Variants in RMND5A observed in about 807,000 individuals in gnomAD.
RMND5A encodes the protein required for meiotic nuclear division 5 homolog A.
A neutral mutation model predicts 49.7 loss-of-function variants in RMND5A; 17 were observed. That is an observed-to-expected ratio of 0.34 (90% CI 0.23 to 0.51). RMND5A has a LOEUF of 0.51. Ranked by LOEUF, RMND5A falls within the 20% of genes least tolerant of loss-of-function variation. The pLI is 0.96. For synonymous variants in RMND5A, 156 were observed against 167.7 expected (o/e 0.93, Z 0.54); for missense variants, 255 against 471.3 (o/e 0.54, Z 4.25).
intron 2 of RMND5A, among the ~76,000 whole-genome samples, chr2:86,751,361 T>C (rs1368147657): frequency 2.0e-5 from 3 of 152,206 alleles, no homozygotes; most frequent in Non-Finnish European, 4.4e-5. Context: ...TGTAGTATGC[T>C]GTTTAGAGTC....
intron 4 of RMND5A, among the ~76,000 whole-genome samples, chr2:86,754,774 T>C (rs758377940): frequency 6.6e-6 from 1 of 152,132 alleles, no homozygotes; most frequent in Non-Finnish European, 1.5e-5. Flanking sequence ...TTACCCAGGC[T>C]GGTTTCGAAC....
Position 86,728,313 on chromosome 2 carries a change from CTTTT to C in RMND5A, c.142+7516_142+7519del, listed in dbSNP as rs3051429. Among the ~76,000 whole-genome samples the C allele has an allele frequency of 8.3e-5, 5 of 60,448 alleles. 1 individual carries two copies. The highest frequency in any genetic ancestry group is 3.6e-4 in the Admixed American group (2 of 5,594). The allele number at this position is 60,448 out of a possible 152,430, so 39.7% of individuals were successfully genotyped here. ...ACTGCCAATTTACTGGTTCTACAATCTTTTTTTTTTTTTTTGGAGACAGAGTCTC... is the reference window on the plus strand; with the variant it reads ...ACTGCCAATTTACTGGTTCTACAATCTTTTTTTTTTTGGAGACAGAGTCTC... On this transcript the variant is annotated intron_variant, in intron 1 of 8. Transcript: ENST00000283632.
chr2:86,770,007 T>C lies in RMND5A; in HGVS notation c.855-16T>C, dbSNP rs187968803. ...CCCCTGGCCTGGCACTGACGTTTCC[T>C]CTTCTGCTCTCCCAGTTTCTCAGCA... On this transcript the variant is annotated splice_polypyrimidine_tract_variant and intron_variant, in intron 6 of 8. Coordinates refer to ENST00000283632, the MANE Select transcript of RMND5A (RefSeq NM_022780.4). 1 of 1,606,470 alleles carries C rather than the reference T, an allele frequency of 6.2e-7. No homozygotes were observed. The highest frequency in any genetic ancestry group is 8.5e-7 in the Non-Finnish European group (1 of 1,173,304).
intron 1 of RMND5A, among the ~76,000 whole-genome samples, chr2:86,721,447 T>C (rs1425509098): frequency 6.6e-6 from 1 of 151,926 alleles, no homozygotes; most frequent in Non-Finnish European, 1.5e-5. Context: ...ACCAGCTCAA[T>C]TCAACCCTTC....
chr2:86,775,682 G>C lies in RMND5A; in HGVS notation c.*2271G>C, dbSNP rs2104416191. The stretch of plus-strand genomic sequence containing the variant: ...TGTAAGGCCCGTGTACTCCCACTGG[G>C]CAGGGTGAGGACCAAAAATCTGAAA... On this transcript the variant is annotated 3_prime_UTR_variant, in exon 9 of 9. Coordinates refer to ENST00000283632, the MANE Select transcript of RMND5A (RefSeq NM_022780.4). 1 of 152,302 alleles carries C rather than the reference G, an allele frequency of 6.6e-6. No homozygotes were observed. Among genetic ancestry groups the C allele is most frequent in the African/African-American group, 2.4e-5 (1 of 41,568 alleles). The allele number at this position is 152,302 out of a possible 1,614,324, so 9.4% of individuals were successfully genotyped here.
chr2:86,721,594 T>C lies in RMND5A; in HGVS notation c.142+785T>C, dbSNP rs199863802. Among the ~76,000 whole-genome samples, 1,075 of 151,578 alleles carry C rather than the reference T, an allele frequency of 7.1e-3. 53 individuals are homozygous for C. The East Asian group carries it at 0.13, about 18-fold the overall frequency. On this transcript the variant is annotated intron_variant, in intron 1 of 8. Coordinates refer to ENST00000283632, the MANE Select transcript of RMND5A (RefSeq NM_022780.4). ...AAAAAATAAATTTTCCTATAGAAGG[T>C]GTTTCACCTAGATTGTTTTTTTTTT...
Position 86,728,548 on chromosome 2 carries a change from C to A in RMND5A, c.142+7739C>A, listed in dbSNP as rs1210186533. ...TGAACTCCTGGGCTCAAGTAATCCA[C>A]CCGTCTCAGCCTCCCAAAGTGCTGG... On this transcript the variant is annotated intron_variant, in intron 1 of 8. Coordinates refer to ENST00000283632, the MANE Select transcript of RMND5A (RefSeq NM_022780.4). 2.4e-5 allele frequency among the ~76,000 whole-genome samples: 2 copies of A among 82,634 alleles called. 1 individual carries two copies. Among genetic ancestry groups the A allele is most frequent in the Admixed American group, 2.7e-4 (2 of 7,500 alleles). 54.2% of individuals were successfully genotyped at this position (82,634 alleles called of 152,430 possible). A position where few individuals can be genotyped will look rare whatever the true frequency, so the allele number is the denominator to read the frequency against.
rs1183563445 is a variant in RMND5A at position 86,720,471 on chromosome 2, G to C, written c.-197G>C. 4.2e-6 allele frequency: 1 copy of C among 237,716 alleles called. No homozygotes were observed. The highest frequency in any genetic ancestry group is 2.3e-5 in the African/African-American group (1 of 43,086). The allele number at this position is 237,716 out of a possible 1,614,324, so 14.7% of individuals were successfully genotyped here. On this transcript the variant is annotated 5_prime_UTR_variant, in exon 1 of 9. Coordinates refer to ENST00000283632, the MANE Select transcript of RMND5A (RefSeq NM_022780.4). ...GCAGCGGCGACTCGCCGGGGGGCTA[G>C]GGCGCCATGGGGCAGGCGGGCTCCG...
intron 8 of RMND5A, 141 bp from the exon 9 acceptor site, chr2:86,773,207 C>G (rs1159564403): frequency 6.6e-6 from 3 of 455,900 alleles, no homozygotes; most frequent in African/African-American, 5.9e-5. Flanking sequence ...AGTTCATCCT[C>G]AAAGCAAAAT....
chr2:86,771,846 G>A, intron 8 of RMND5A, 134 bp downstream of exon 8: 1 of 708,686 alleles, frequency 1.4e-6, no homozygotes, highest in East Asian at 2.7e-5. Flanking sequence ...TATTCATTTG[G>A]CAAAGTTGGT....
At chr2:86,769,482 A>G (rs1029517194) in intron 6 of RMND5A, among the ~76,000 whole-genome samples, 3 of 152,256 alleles carry the variant, frequency 2.0e-5, no homozygotes, top group African/African-American at 7.2e-5. Context: ...ATTTTGTGCA[A>G]GAACATCTCT....
intron 4 of RMND5A, 97 bp from the exon 5 acceptor site, chr2:86,764,930 G>A (rs956176895): frequency 1.1e-5 from 13 of 1,208,426 alleles, no homozygotes; most frequent in Non-Finnish European, 1.2e-5. Flanking sequence ...CAAGATGGCA[G>A]ACCAAGCCCC....
At position 86,773,699 on chromosome 2, in the gene RMND5A, T is replaced by A. The variant is rs1672718933; in HGVS notation, c.*288T>A. ...CTTAATTATATGGTGATTTTTTTACTTTTTAAGAGCAGAAACGGAAATTGA... is the reference window on the plus strand; with the variant it reads ...CTTAATTATATGGTGATTTTTTTACATTTTAAGAGCAGAAACGGAAATTGA... On this transcript the variant is annotated 3_prime_UTR_variant, in exon 9 of 9. Coordinates refer to ENST00000283632, the MANE Select transcript of RMND5A (RefSeq NM_022780.4). 5 of 238,550 alleles carry A rather than the reference T, an allele frequency of 2.1e-5. No individual in the cohort carries two copies. In the Admixed American group the frequency reaches 2.7e-4, roughly 13 times the overall value. 14.8% of individuals were successfully genotyped at this position (238,550 alleles called of 1,614,324 possible). A position where few individuals can be genotyped will look rare whatever the true frequency, so the allele number is the denominator to read the frequency against.
chr2:86,760,056 T>C (rs556334968), intron 4 of RMND5A, among the ~76,000 whole-genome samples: 1 of 152,170 alleles, frequency 6.6e-6, no homozygotes, highest in Non-Finnish European at 1.5e-5. Context: ...GTATTCTTTT[T>C]TTTTTGAGAC....
At chr2:86,751,023 T>C (rs1188211118) in intron 2 of RMND5A, among the ~76,000 whole-genome samples, 1 of 152,230 alleles carries the variant, frequency 6.6e-6, no homozygotes, top group African/African-American at 2.4e-5. Flanking sequence ...TGTCTGTTGA[T>C]CATCTTTTTC....
chr2:86,728,642 A>C (rs564206879), intron 1 of RMND5A, among the ~76,000 whole-genome samples: 1 of 107,172 alleles, frequency 9.3e-6, no homozygotes, highest in African/African-American at 3.9e-5. Context: ...TTCCTTCAGT[A>C]AACTGACATC....
At chr2:86,746,603 G>T (rs1681541695) in intron 2 of RMND5A, among the ~76,000 whole-genome samples, 1 of 152,098 alleles carries the variant, frequency 6.6e-6, no homozygotes, top group Non-Finnish European at 1.5e-5. Flanking sequence ...AGACTTGGAG[G>T]AACCTTTCTC....
Position 86,720,575 on chromosome 2 carries a change from G to C in RMND5A, c.-93G>C, listed in dbSNP as rs896198485. 8.6e-7 allele frequency: 1 copy of C among 1,158,120 alleles called. No individual in the cohort carries two copies. The highest frequency in any genetic ancestry group is 1.7e-5 in the African/African-American group (1 of 59,236). The allele number at this position is 1,158,120 out of a possible 1,614,324, so 71.7% of individuals were successfully genotyped here. ...CTCAGCCTCCCGCGCCGCCCGCTTG[G>C]GGAACGAGGAGCAGGACGCGGCCTC... On this transcript the variant is annotated 5_prime_UTR_variant, in exon 1 of 9. Coordinates refer to ENST00000283632, the MANE Select transcript of RMND5A (RefSeq NM_022780.4).
At chr2:86,753,356 T>C in intron 3 of RMND5A, 102 bp from the exon 4 acceptor site, 2 of 687,072 alleles carry the variant, frequency 2.9e-6, no homozygotes, top group South Asian at 1.9e-5. Context: ...GAATTATCTT[T>C]AATGGCTTGC....
Sources: gnomAD v4.1 joint callset for allele counts (sites outside exome capture counted in the v4.1 genomes callset) on GRCh38, gnomAD v4.1.1 for gene constraint, MANE v1.5 for transcripts, NCBI Gene and HGNC (gene_info 2026-07-23, HGNC 2026-07-21) for gene names.